The following SLIT3 variants were observed in gnomAD, a reference collection of about 807,000 sequenced individuals.
SLIT3 encodes the protein slit guidance ligand 3.
Under a neutral mutation model 184.0 loss-of-function variants are expected in SLIT3, and 68 were observed. The ratio of observed to expected loss-of-function variants is 0.37; its 90% CI spans 0.30 to 0.45. SLIT3 has a LOEUF of 0.45. Among genes scored for constraint, SLIT3 ranks in the 20% least tolerant of loss-of-function variants. SLIT3 has a pLI of 1.00. For synonymous variants in SLIT3, 831 were observed against 828.6 expected, an observed-to-expected ratio of 1.00 and a Z score of -0.05; for missense variants, 1,707 against 2,026.0, an observed-to-expected ratio of 0.84 and a Z score of 3.02.
intron 4 of SLIT3, among the ~76,000 whole-genome samples, chr5:169,044,588 G>A (rs1312483488): frequency 2.4e-5 from 2 of 84,392 alleles, no homozygotes; most frequent in African/African-American, 6.2e-5. Flanking sequence ...GGAGGAAGGT[G>A]GGGGGGGGGA....
intron 1 of SLIT3, among the ~76,000 whole-genome samples, chr5:169,273,076 A>G (rs1362255118): frequency 6.6e-6 from 1 of 152,070 alleles, no homozygotes; most frequent in Non-Finnish European, 1.5e-5. Flanking sequence ...CCCACACCTC[A>G]GCCCTTGGGA....
intron 4 of SLIT3, among the ~76,000 whole-genome samples, chr5:169,041,527 G>T (rs1353550524): frequency 6.6e-6 from 1 of 152,158 alleles, no homozygotes; most frequent in East Asian, 1.9e-4. Flanking sequence ...CATTTACAGC[G>T]CTCTCAGCAC....
chr5:168,930,691 C>T (rs1761961196), intron 4 of SLIT3, among the ~76,000 whole-genome samples: 1 of 152,064 alleles, frequency 6.6e-6, no homozygotes, highest in Non-Finnish European at 1.5e-5. Context: ...GGCCTGGAAC[C>T]CCTCTCCATC....
At chr5:168,798,134 C>T (rs1756634185) in intron 9 of SLIT3, among the ~76,000 whole-genome samples, 1 of 152,060 alleles carries the variant, frequency 6.6e-6, no homozygotes, top group South Asian at 2.1e-4. Flanking sequence ...CAGGCTTAGC[C>T]TGTTAAGCCT....
intron 32 of SLIT3, among the ~76,000 whole-genome samples, chr5:168,681,223 G>A (rs764612189): frequency 1.7e-4 from 26 of 152,208 alleles, no homozygotes; most frequent in East Asian, 3.9e-4. Context: ...TGTCTCCAGT[G>A]AGAATGATTT....
intron 8 of SLIT3, among the ~76,000 whole-genome samples, chr5:168,815,197 C>T (rs957380292): frequency 6.6e-6 from 1 of 152,220 alleles, no homozygotes; most frequent in African/African-American, 2.4e-5. Context: ...CACGTAACTA[C>T]GAACCTGTCC....
chr5:168,936,405 T>C (rs149878130), intron 4 of SLIT3, among the ~76,000 whole-genome samples: 284 of 152,306 alleles, frequency 1.9e-3, no homozygotes, highest in Non-Finnish European at 1.9e-3. Flanking sequence ...CAGCTAATTT[T>C]TGTATTTTTA....
intron 4 of SLIT3, among the ~76,000 whole-genome samples, chr5:168,975,950 T>C (rs1305879770): frequency 6.6e-6 from 1 of 152,182 alleles, no homozygotes; most frequent in Non-Finnish European, 1.5e-5. Context: ...TCTATCCCTG[T>C]AAAAGCCAAA....
intron 5 of SLIT3, among the ~76,000 whole-genome samples, chr5:168,866,742 C>T (rs896311362): frequency 3.3e-5 from 5 of 152,136 alleles, no homozygotes; most frequent in Admixed American, 1.3e-4. Flanking sequence ...TTGCTGAGTC[C>T]GAGTTTCTTC....
chr5:168,892,632 T>C (rs1275942569), intron 4 of SLIT3, among the ~76,000 whole-genome samples: 4 of 152,238 alleles, frequency 2.6e-5, no homozygotes, highest in African/African-American at 9.6e-5. Flanking sequence ...GATACCTCTT[T>C]GCAGCCATAG....
chr5:169,174,292 C>A (rs978338332), intron 4 of SLIT3, among the ~76,000 whole-genome samples: 5 of 152,288 alleles, frequency 3.3e-5, no homozygotes, highest in East Asian at 1.9e-4. Flanking sequence ...CCTAAAAAAA[C>A]CAGTTCCTCT....
intron 5 of SLIT3, among the ~76,000 whole-genome samples, chr5:168,868,140 C>T (rs1312332034): frequency 6.6e-6 from 1 of 152,218 alleles, no homozygotes; most frequent in African/African-American, 2.4e-5. Flanking sequence ...ACCCCGCAAG[C>T]CAATAGCCCA....
At chr5:168,991,844 C>A (rs1755342859) in intron 4 of SLIT3, among the ~76,000 whole-genome samples, 1 of 152,210 alleles carries the variant, frequency 6.6e-6, no homozygotes, top group Admixed American at 6.5e-5. Flanking sequence ...ACACATTTCC[C>A]TCTTGACGCC....
At chr5:168,731,303 C>T (rs1265475939) in intron 20 of SLIT3, among the ~76,000 whole-genome samples, 2 of 151,740 alleles carry the variant, frequency 1.3e-5, no homozygotes, top group African/African-American at 2.4e-5. Context: ...CAAAATATCC[C>T]CCCCTAAACT....
At chr5:169,117,893 C>T (rs1007465701) in intron 4 of SLIT3, among the ~76,000 whole-genome samples, 1 of 152,226 alleles carries the variant, frequency 6.6e-6, no homozygotes, top group African/African-American at 2.4e-5. Flanking sequence ...GGCCACAGCG[C>T]TTCCTAAGCA....
intron 4 of SLIT3, among the ~76,000 whole-genome samples, chr5:169,156,985 G>A (rs911841178): frequency 2.6e-5 from 4 of 152,180 alleles, no homozygotes; most frequent in Admixed American, 6.5e-5. Flanking sequence ...CAGAAAACTT[G>A]AAGACAATAA....
intron 4 of SLIT3, among the ~76,000 whole-genome samples, chr5:169,161,534 C>G (rs35063599): frequency 0.029 from 4,344 of 152,224 alleles, 76 homozygotes; most frequent in South Asian, 0.087. Context: ...TCCTCTTGAG[C>G]AATGATAAAC....
chr5:168,681,862 A>G (rs1761602780), intron 32 of SLIT3, among the ~76,000 whole-genome samples: 1 of 152,174 alleles, frequency 6.6e-6, no homozygotes, highest in Non-Finnish European at 1.5e-5. Context: ...GTAAAGGCTT[A>G]ATCTGCCAAG....
At chr5:168,677,641 G>A (rs559438149) in intron 32 of SLIT3, among the ~76,000 whole-genome samples, 4 of 152,242 alleles carry the variant, frequency 2.6e-5, no homozygotes, top group South Asian at 2.1e-4. Flanking sequence ...TAGAGATGGG[G>A]TTTTGCCATG....
Sources: allele counts gnomAD v4.1 joint callset (sites outside exome capture counted in the v4.1 genomes callset), GRCh38; gene constraint gnomAD v4.1.1; transcripts MANE v1.5; gene names NCBI Gene and HGNC (gene_info 2026-07-23, HGNC 2026-07-21).